Variants in XPR1 observed in about 807,000 individuals in gnomAD.
XPR1 encodes the protein xenotropic and polytropic retrovirus receptor 1.
XPR1 carries 28 observed loss-of-function variants against 87.5 expected under a neutral mutation model. The ratio of observed to expected loss-of-function variants is 0.32; its 90% CI spans 0.24 to 0.44. XPR1 has a LOEUF of 0.44. XPR1 is among the 20% of genes least tolerant of loss of function. XPR1 has a pLI of 1.00. For missense variants in XPR1, 559 were observed against 862.3 expected, an observed-to-expected ratio of 0.65 and a Z score of 4.41; for synonymous variants, 300 against 306.1, an observed-to-expected ratio of 0.98 and a Z score of 0.21.
At chr1:180,722,256 C>T (rs1006657725) in intron 2 of XPR1, among the ~76,000 whole-genome samples, 5 of 151,928 alleles carry the variant, frequency 3.3e-5, no homozygotes, top group Admixed American at 6.6e-5. Context: ...CCACCACACC[C>T]GGCTAATTTT....
At chr1:180,675,823 A>T (rs567521575) in intron 1 of XPR1, among the ~76,000 whole-genome samples, 25 of 152,244 alleles carry the variant, frequency 1.6e-4, no homozygotes, top group African/African-American at 5.1e-4. Flanking sequence ...TAATATAGAC[A>T]ATACTTCAGA....
Position 180,704,814 on chromosome 1 carries a change from G to GTTTTTTTTTTTT in XPR1, c.121+22417_121+22428dup, listed in dbSNP as rs567903048. On this transcript the variant is annotated intron_variant, in intron 2 of 14. Transcript: ENST00000367590. ...GCCATTTTTCCAGGGACTGTTGGTT[G>GTTTTTTTTTTTT]TTTTTTTTTTTTTTTTTTTTTTTTT... 1.1e-3 allele frequency among the ~76,000 whole-genome samples: 58 copies of GTTTTTTTTTTTT among 51,954 alleles called. 6 individuals carry two copies. The highest frequency in any genetic ancestry group is 1.5e-3 in the Non-Finnish European group (43 of 28,924). The allele number at this position is 51,954 out of a possible 152,430, so 34.1% of individuals were successfully genotyped here.
chr1:180,753,911 A>G (rs1180836180), intron 2 of XPR1, among the ~76,000 whole-genome samples: 1 of 152,148 alleles, frequency 6.6e-6, no homozygotes, highest in African/African-American at 2.4e-5. Flanking sequence ...ATTCAAACCT[A>G]TCTGTCCTGA....
At chr1:180,672,328 T>TA (rs1186309687) in intron 1 of XPR1, among the ~76,000 whole-genome samples, 1 of 152,214 alleles carries the variant, frequency 6.6e-6, no homozygotes, top group Admixed American at 6.5e-5. Flanking sequence ...AATGCTTATA[T>TA]ACTCTAGGCT....
At chr1:180,795,578 T>C (rs192653758) in intron 3 of XPR1, among the ~76,000 whole-genome samples, 5 of 152,316 alleles carry the variant, frequency 3.3e-5, no homozygotes, top group Non-Finnish European at 7.3e-5. Flanking sequence ...AGGACATAAA[T>C]ACTTAAGTTG....
chr1:180,643,746 C>T (rs1291674250), intron 1 of XPR1, among the ~76,000 whole-genome samples: 2 of 152,062 alleles, frequency 1.3e-5, no homozygotes, highest in Non-Finnish European at 2.9e-5. Flanking sequence ...TGTGGATGCT[C>T]TGTGGTTCCA....
intron 3 of XPR1, among the ~76,000 whole-genome samples, chr1:180,790,206 T>C (rs72723027): frequency 0.054 from 8,169 of 152,238 alleles, 314 homozygotes; most frequent in Non-Finnish European, 0.079. Context: ...GAGATATCCC[T>C]CTTTATTCCA....
At chr1:180,809,027 A>C (rs1650107180) in intron 6 of XPR1, among the ~76,000 whole-genome samples, 1 of 152,200 alleles carries the variant, frequency 6.6e-6, no homozygotes, top group Non-Finnish European at 1.5e-5. Context: ...TCAGTAGGTG[A>C]ATGGATAAAC....
chr1:180,852,312 G>C (rs537937385), intron 11 of XPR1, among the ~76,000 whole-genome samples: 19 of 152,150 alleles, frequency 1.2e-4, no homozygotes, highest in South Asian at 8.3e-4. Flanking sequence ...TTCCCCAGTG[G>C]TAACACTTTA....
intron 2 of XPR1, among the ~76,000 whole-genome samples, chr1:180,688,189 A>G (rs2101953430): frequency 6.7e-6 from 1 of 149,864 alleles, no homozygotes; most frequent in African/African-American, 2.5e-5. Context: ...TGTGGCTGGG[A>G]TTACAGGTGC....
intron 1 of XPR1, among the ~76,000 whole-genome samples, chr1:180,636,804 C>T (rs1246344865): frequency 6.6e-6 from 1 of 152,136 alleles, no homozygotes; most frequent in African/African-American, 2.4e-5. Flanking sequence ...GTAATCCCAG[C>T]ACTTTGGGAG....
At chr1:180,803,680 C>T (rs902746921) in intron 4 of XPR1, 69 bp downstream of exon 4, 18 of 1,350,626 alleles carry the variant, frequency 1.3e-5, no homozygotes, top group East Asian at 9.2e-5. Flanking sequence ...ATGGAAGTAC[C>T]CTAAAGTATT....
intron 2 of XPR1, among the ~76,000 whole-genome samples, chr1:180,743,809 G>C (rs950176288): frequency 2.0e-5 from 3 of 152,036 alleles, no homozygotes; most frequent in African/African-American, 7.2e-5. Context: ...TAAAAATTTT[G>C]ATCTACCTCC....
intron 2 of XPR1, among the ~76,000 whole-genome samples, chr1:180,769,124 G>A (rs1648401723): frequency 1.3e-5 from 2 of 150,608 alleles, no homozygotes; most frequent in Non-Finnish European, 3.0e-5. Context: ...TTTAATTTTT[G>A]TGGGCATGTA....
chr1:180,724,221 A>G (rs994619486), intron 2 of XPR1, among the ~76,000 whole-genome samples: 1 of 152,194 alleles, frequency 6.6e-6, no homozygotes, highest in Non-Finnish European at 1.5e-5. Context: ...AGTTTGGGAT[A>G]TCAAAGAATA....
At chr1:180,684,433 C>T (rs1656692289) in intron 2 of XPR1, among the ~76,000 whole-genome samples, 1 of 152,158 alleles carries the variant, frequency 6.6e-6, no homozygotes, top group Admixed American at 6.5e-5. Context: ...ATGCCTCCGG[C>T]TTTCTTCTTT....
rs149019284 is a variant in XPR1, at chr1:180,882,333, T to C, written c.2031-1673T>C. ...TATCACTCATGCAACCTTTAGCATA[T>C]CCTTAATGTGTGTGGTTTTTTTGTT... On this transcript the variant is annotated intron_variant, in intron 14 of 14. Transcript: ENST00000367590. 9.2e-5 allele frequency among the ~76,000 whole-genome samples: 14 copies of C among 152,230 alleles called. No individual in the cohort carries two copies. The East Asian group carries it at 2.5e-3, about 27-fold the overall frequency.
chr1:180,825,175 T>A lies in XPR1; in HGVS notation c.965T>A (p.Phe322Tyr). Residue 322 changes from phenylalanine to tyrosine, a missense_variant, in exon 9 of 15, where the codon TTC becomes TAC. This residue lies in a region of XPR1 where 264 missense variants were observed against 377.2 expected (regional missense o/e 0.70). Coordinates refer to ENST00000367590, the MANE Select transcript of XPR1 (RefSeq NM_004736.4). ...SHQHLFEIAG[F>Y]LGILWCLSLL... ...CCCATCCTTTACTAGATTGCTGGATTCCTCGGGATATTGTGGTGCCTGAGC... is the reference window on the plus strand; with the variant it reads ...CCCATCCTTTACTAGATTGCTGGATACCTCGGGATATTGTGGTGCCTGAGC... 1 of 1,605,108 alleles carries A rather than the reference T, an allele frequency of 6.2e-7. No homozygotes were observed. Among genetic ancestry groups the A allele is most frequent in the Non-Finnish European group, 8.5e-7 (1 of 1,177,682 alleles).
chr1:180,808,872 A>G (rs1370113411), intron 6 of XPR1, among the ~76,000 whole-genome samples: 1 of 152,204 alleles, frequency 6.6e-6, no homozygotes, highest in African/African-American at 2.4e-5. Context: ...ATTTGAAAAC[A>G]GTTTGGAAGT....
Sources: allele counts gnomAD v4.1 joint callset (sites outside exome capture counted in the v4.1 genomes callset), GRCh38; gene constraint gnomAD v4.1.1; regional missense constraint gnomAD v4.1.1; transcripts MANE v1.5; gene names NCBI Gene and HGNC (gene_info 2026-07-23, HGNC 2026-07-21).